ABCA2: variants seen among roughly 807,000 people sequenced by gnomAD.
ABCA2 encodes ATP binding cassette subfamily A member 2, also known as ATP-binding cassette sub-family A member 2.
A neutral mutation model predicts 262.8 loss-of-function variants in ABCA2; 84 were observed. The observed-to-expected ratio is 0.32, with a 90% CI of 0.27 to 0.38. The LOEUF is 0.38. Ranked by LOEUF, ABCA2 falls within the 10% of genes least tolerant of loss-of-function variation. ABCA2 has a pLI of 1.00. For synonymous variants in ABCA2, 1,696 were observed against 1,502.9 expected, an observed-to-expected ratio of 1.13 and a Z score of -2.97; for missense variants, 2,662 against 3,405.9, an observed-to-expected ratio of 0.78 and a Z score of 5.44.
intron 14 of ABCA2, 41 bp downstream of exon 14, chr9:137,018,134 TCCC>T: frequency 6.2e-7 from 1 of 1,609,210 alleles, no homozygotes; most frequent in Non-Finnish European, 8.5e-7. Context: ...ACACCTGTCC[TCCC>T]CCATGAATCC....
At chr9:137,027,652 G>C (rs1273119798) in intron 1 of ABCA2, 1 of 152,412 alleles carries the variant, frequency 6.6e-6, no homozygotes, top group Non-Finnish European at 1.5e-5. Flanking sequence ...TCTCCTCCGG[G>C]ACCCCAGGGA....
At chr9:137,027,428 G>A (rs1250201440) in intron 1 of ABCA2, 2 of 152,850 alleles carry the variant, frequency 1.3e-5, no homozygotes, top group Non-Finnish European at 2.9e-5. Flanking sequence ...AGGCAACAGA[G>A]TGGATCAGGC....
At chr9:137,026,231 C>T (rs150286749) in intron 1 of ABCA2, among the ~76,000 whole-genome samples, 1 of 152,268 alleles carries the variant, frequency 6.6e-6, no homozygotes, top group East Asian at 1.9e-4. Context: ...CTTGGAGGAG[C>T]CTGCTAGCAG....
intron 32 of ABCA2, 41 bp downstream of exon 32, chr9:137,012,444 G>T (rs1003241808): frequency 1.9e-6 from 3 of 1,608,682 alleles, no homozygotes; most frequent in Non-Finnish European, 2.5e-6. Flanking sequence ...ACCTCGGGCG[G>T]CGCTACACAC....
Position 137,013,016 on chromosome 9 carries a change from G to A in ABCA2, c.4853C>T (p.Pro1618Leu). Residue 1618 changes from proline (P) to leucine (L), a missense_variant, in exon 30 of 49, where the codon CCC becomes CTC. Around this residue, in one of 12 missense-constraint regions of ABCA2, gnomAD observed 192 missense variants for 207.2 expected, o/e 0.93. Coordinates refer to ENST00000341511, the MANE Select transcript of ABCA2 (RefSeq NM_001606.5). ...DLQAWNVSLP[P>L]TAGPEMWTSA... is the part of the protein sequence containing the mutation. ...TGAACCACTACCTGGCCCAGCGGTG[G>A]GCGGCAGGGAGACGTTCCAGGCCTG... The A allele has an allele frequency of 6.6e-7, 1 of 1,506,564 alleles. No homozygotes were observed. Among genetic ancestry groups the A allele is most frequent in the South Asian group, 1.3e-5 (1 of 78,346 alleles). The allele number at this position is 1,506,564 out of a possible 1,614,324, so 93.3% of individuals were successfully genotyped here. A position where few individuals can be genotyped will look rare whatever the true frequency, so the allele number is the denominator to read the frequency against.
Position 137,016,038 on chromosome 9 carries a change from T to C in ABCA2, c.3241A>G (p.Thr1081Ala). 1 of 1,611,450 alleles carries C rather than the reference T, an allele frequency of 6.2e-7. No individual in the cohort carries two copies. The highest frequency in any genetic ancestry group is 8.5e-7 in the Non-Finnish European group (1 of 1,179,700). Residue 1081 changes from threonine (T) to alanine (A), a missense_variant, in exon 22 of 49, where the codon ACG (threonine) becomes GCG (alanine). Coordinates refer to ENST00000341511, the MANE Select transcript of ABCA2 (RefSeq NM_001606.5). ...PQHNVLFDRL[T>A]VEEHLWFYSR... ...TAGAACCAGAGGTGTTCCTCCACCGTGAGCCGGTCAAAGAGCACATTGTGC... is the reference window on the plus strand; with the variant it reads ...TAGAACCAGAGGTGTTCCTCCACCGCGAGCCGGTCAAAGAGCACATTGTGC...
rs1254867352 is a variant in ABCA2, at chr9:137,013,024, G to A, written c.4845C>T (p.Ser1615=). Residue 1615 remains serine, a synonymous_variant, in exon 30 of 49, where the codon TCC becomes TCT. Coordinates refer to ENST00000341511, the MANE Select transcript of ABCA2 (RefSeq NM_001606.5). Reference sequence around the variant, plus strand: ...TACCTGGCCCAGCGGTGGGCGGCAGGGAGACGTTCCAGGCCTGCAGGTCCT... The same window carrying A: ...TACCTGGCCCAGCGGTGGGCGGCAGAGAGACGTTCCAGGCCTGCAGGTCCT... ...PDEDLQAWNV[S]LPPTAGPEMW... 1 of 1,515,292 alleles carries A rather than the reference G, an allele frequency of 6.6e-7. No homozygotes were observed. The highest frequency in any genetic ancestry group is 8.8e-7 in the Non-Finnish European group (1 of 1,131,050). 93.9% of individuals were successfully genotyped at this position (1,515,292 alleles called of 1,614,324 possible).
rs370228921 is a variant in ABCA2 at position 137,011,967 on chromosome 9, G to A, written c.5412C>T (p.Ser1804=). 1.2e-6 allele frequency: 2 copies of A among 1,612,742 alleles called. No homozygotes were observed. Among genetic ancestry groups the A allele is most frequent in the Non-Finnish European group, 1.7e-6 (2 of 1,179,972 alleles). The change falls in exon 35 of 49, where the codon TCC becomes TCT. Residue 1804 remains serine (S), a synonymous_variant. Coordinates refer to ENST00000341511, the MANE Select transcript of ABCA2 (RefSeq NM_001606.5). The surrounding 1 kb of genome is among the most constrained non-coding windows in gnomAD (Gnocchi z 8.8). ...VIAIFIIVAM[S]FVPASFVVFL... ...AGACAACGAAGCTGGCCGGCACGAA[G>A]GACATGGCCACGATGATGAAGATGG...
chr9:137,021,114 G>A lies in ABCA2; in HGVS notation c.898-53C>T, dbSNP rs1015127399. The stretch of plus-strand genomic sequence containing the variant: ...GCGGGGTGAGATGGACTGCAGGTGG[G>A]TGATAGGTCAGGAGTGGAGCAGGGA... On this transcript the variant is annotated intron_variant, in intron 8 of 48. Coordinates refer to ENST00000341511, the MANE Select transcript of ABCA2 (RefSeq NM_001606.5). This position sits in a 1 kb window ranked among gnomAD's most constrained non-coding sequence, Gnocchi z 6.0. The A allele has an allele frequency of 2.1e-6, 3 of 1,446,308 alleles. No homozygotes were observed. The highest frequency in any genetic ancestry group is 2.7e-5 in the Admixed American group (1 of 36,486). The allele number at this position is 1,446,308 out of a possible 1,614,324, so 89.6% of individuals were successfully genotyped here. A position where few individuals can be genotyped will look rare whatever the true frequency, so the allele number is the denominator to read the frequency against.
chr9:137,023,241 C>T (rs1831541410), intron 3 of ABCA2, 189 bp from the exon 4 acceptor site: 8 of 628,370 alleles, frequency 1.3e-5, no homozygotes, highest in East Asian at 2.7e-5. Context: ...CGTTCTGGGG[C>T]GAATGACTCC....
upstream of ABCA2, chr9:137,028,631 C>T: frequency 9.1e-7 from 1 of 1,102,788 alleles, no homozygotes; most frequent in East Asian, 1.1e-4. This position sits in a 1 kb window ranked among gnomAD's most constrained non-coding sequence, Gnocchi z 6.9. Context: ...GCGCGCCGAG[C>T]GGACGCTGGC....
At chr9:137,015,173 G>C in intron 24 of ABCA2, 76 bp from the exon 25 acceptor site, 1 of 1,465,498 alleles carries the variant, frequency 6.8e-7, no homozygotes, top group Admixed American at 2.2e-5. Context: ...ACCCAACTGG[G>C]TCAAGATATG....
Position 137,007,613 on chromosome 9 carries a change from A to G in ABCA2, c.*316T>C. The G allele has an allele frequency of 2.1e-6, 1 of 478,478 alleles. No homozygotes were observed. The highest frequency in any genetic ancestry group is 3.8e-6 in the Non-Finnish European group (1 of 263,688). 29.6% of individuals were successfully genotyped at this position (478,478 alleles called of 1,614,324 possible). The stretch of plus-strand genomic sequence containing the variant: ...GAGAAAGGCCAGCAGTGCCTGGTCC[A>G]GCCGGCGTCGCCTTGGGCGGTGAGC... On this transcript the variant is annotated 3_prime_UTR_variant, in exon 49 of 49. Transcript: ENST00000341511.
At chr9:137,023,092 G>T (rs1386801557) in intron 3 of ABCA2, 40 bp from the exon 4 acceptor site, 1 of 1,467,814 alleles carries the variant, frequency 6.8e-7, no homozygotes, top group East Asian at 2.5e-5. Context: ...GGGGGTGAAA[G>T]GGGAGAGAGA....
Position 137,019,059 on chromosome 9 carries a change from C to G in ABCA2, c.1566G>C (p.Glu522Asp). ...TCAGTGCCTCGGGGTGCAGCCGCAG[C>G]TCTGCTACATACTTGGGGTGGAGGG... ...HLRWLQQYVA[E>D]LRLHPEALNL... Residue 522 changes from glutamate to aspartate, a missense_variant, in exon 12 of 49, where the codon GAG becomes GAC. Around this residue, in one of 12 missense-constraint regions of ABCA2, gnomAD observed 187 missense variants for 205.9 expected, o/e 0.91. Coordinates refer to ENST00000341511, the MANE Select transcript of ABCA2 (RefSeq NM_001606.5). This position sits in a 1 kb window ranked among gnomAD's most constrained non-coding sequence, Gnocchi z 4.4. 1 of 1,611,034 alleles carries G rather than the reference C, an allele frequency of 6.2e-7. No individual in the cohort carries two copies. Among genetic ancestry groups the G allele is most frequent in the African/African-American group, 1.3e-5 (1 of 75,030 alleles).
chr9:137,023,025 G>A lies in ABCA2; in HGVS notation c.191C>T (p.Ser64Phe). Reference sequence around the variant, plus strand: ...TTGCATGACAGGCAGGATGCCGGCAGACGTCAGGGGCGCCGCTGTGTAGAA... The same window carrying A: ...TTGCATGACAGGCAGGATGCCGGCAAACGTCAGGGGCGCCGCTGTGTAGAA... ...VSFYTAAPLT[S>F]AGILPVMQSL... Residue 64 changes from serine (S) to phenylalanine (F), a missense_variant, in exon 4 of 49, where the codon TCT (serine) becomes TTT (phenylalanine). This residue lies in a region of ABCA2 where 101 missense variants were observed against 152.3 expected (regional missense o/e 0.66). Coordinates refer to ENST00000341511, the MANE Select transcript of ABCA2 (RefSeq NM_001606.5). 6.3e-7 allele frequency: 1 copy of A among 1,592,316 alleles called. No homozygotes were observed. Among genetic ancestry groups the A allele is most frequent in the Non-Finnish European group, 8.5e-7 (1 of 1,170,520 alleles).
In ABCA2 at chr9:137,017,930, T is replaced by TCAGCCC. The variant is rs772116323; in HGVS notation, c.2097-35_2097-30dup. The stretch of plus-strand genomic sequence containing the variant: ...CGGGGAGGCCGCGCTCAGGCGCCAC[T>TCAGCCC]CAGCCCCAGCCCCAGCCCCAGCCCC... On this transcript the variant is annotated intron_variant, in intron 15 of 48. Coordinates refer to ENST00000341511, the MANE Select transcript of ABCA2 (RefSeq NM_001606.5). The TCAGCCC allele has an allele frequency of 2.2e-4, 356 of 1,612,052 alleles. 4 individuals carry two copies. In the East Asian group the frequency reaches 5.9e-3, roughly 27 times the overall value.
chr9:137,016,142 G>A lies in ABCA2; in HGVS notation c.3137C>T (p.Ser1046Leu), dbSNP rs369448216. ...SILTGLFPPT[S>L]GSATIYGHDI... is the part of the protein sequence containing the mutation. ...GTGCCCGTAGATGGTGGCGGAACCCGACGTTGGAGGGAACAGGCCGGTCAG... is the reference window on the plus strand; with the variant it reads ...GTGCCCGTAGATGGTGGCGGAACCCAACGTTGGAGGGAACAGGCCGGTCAG... Residue 1046 changes from serine to leucine, a missense_variant, in exon 22 of 49, where the codon TCG (serine) becomes TTG (leucine). Ser to Leu is a moderately radical substitution (Grantham distance 145). Around this residue, in one of 12 missense-constraint regions of ABCA2, gnomAD observed 180 missense variants for 307.3 expected, o/e 0.59. Transcript: ENST00000341511. 1.3e-5 allele frequency: 21 copies of A among 1,612,824 alleles called. No homozygotes were observed. The highest frequency in any genetic ancestry group is 1.1e-4 in the East Asian group (5 of 44,880).
Position 137,009,764 on chromosome 9 carries a change from C to T in ABCA2, c.6630+5G>A, listed in dbSNP as rs757674459. 1.2e-6 allele frequency: 2 copies of T among 1,610,616 alleles called. No individual in the cohort carries two copies. The highest frequency in any genetic ancestry group is 2.2e-5 in the South Asian group (2 of 90,904). ...GCAGCCACCCCCCACCCACCCAGGA[C>T]TTACCAGGAAGATGAAGGCTGGGTA... On this transcript the variant is annotated splice_donor_5th_base_variant and intron_variant, in intron 43 of 48. Coordinates refer to ENST00000341511, the MANE Select transcript of ABCA2 (RefSeq NM_001606.5).
Sources: allele counts gnomAD v4.1 joint callset (sites outside exome capture counted in the v4.1 genomes callset), GRCh38; gene constraint gnomAD v4.1.1; regional missense constraint gnomAD v4.1.1; non-coding constraint Gnocchi (gnomAD v3.1); transcripts MANE v1.5; gene names NCBI Gene and HGNC (gene_info 2026-07-23, HGNC 2026-07-21).